Variants in PHACTR3 observed in about 807,000 individuals in gnomAD.
PHACTR3 encodes the protein phosphatase and actin regulator 3, also known as protein phosphatase 1, regulatory subunit 123.
PHACTR3 carries 16 observed loss-of-function variants against 66.8 expected under a neutral mutation model. The ratio of observed to expected loss-of-function variants is 0.24; its 90% confidence interval spans 0.16 to 0.36. The LOEUF is 0.36. Ranked by LOEUF, PHACTR3 falls within the 10% of genes least tolerant of loss-of-function variation. PHACTR3 has a pLI of 1.00. For synonymous variants in PHACTR3, 323 were observed against 292.1 expected (o/e 1.11, Z -1.08); for missense variants, 647 against 719.9 (o/e 0.90, Z 1.16).
chr20:59,603,860 GGAAGCAGCGGC>G (rs1219492186), upstream of PHACTR3: 4 of 153,122 alleles, frequency 2.6e-5, no homozygotes, highest in African/African-American at 9.7e-5. Context: ...CCCTGGCTGG[GGAAGCAGCGGC>G]TGCCTGCCTG....
chr20:59,837,195 A>T (rs1382441451), intron 9 of PHACTR3, among the ~76,000 whole-genome samples: 1 of 152,234 alleles, frequency 6.6e-6, no homozygotes. Flanking sequence ...CCTCTTGAAA[A>T]AGTGTTTCTC....
At chr20:59,734,152 C>T (rs2038863134) in intron 1 of PHACTR3, among the ~76,000 whole-genome samples, 1 of 152,162 alleles carries the variant, frequency 6.6e-6, no homozygotes, top group African/African-American at 2.4e-5. Context: ...GTTCCATAGA[C>T]CATAAGCTCC....
chr20:59,841,277 C>CAAG (rs2059055934), intron 10 of PHACTR3, 118 bp from the exon 11 acceptor site: 3 of 1,011,532 alleles, frequency 3.0e-6, no homozygotes, highest in Middle Eastern at 3.3e-4. Context: ...GTTATATTTT[C>CAAG]CAGTTTCAGG....
At chr20:59,634,069 T>G (rs2034764303) in intron 1 of PHACTR3, among the ~76,000 whole-genome samples, 1 of 152,232 alleles carries the variant, frequency 6.6e-6, no homozygotes, top group African/African-American at 2.4e-5. Context: ...CCGTCACTGT[T>G]CAGCGCCCAG....
chr20:59,831,107 C>T (rs917899042), intron 8 of PHACTR3, among the ~76,000 whole-genome samples: 1 of 152,188 alleles, frequency 6.6e-6, no homozygotes, highest in Admixed American at 6.5e-5. Context: ...TGCTACAGAT[C>T]TGTCGTGTGA....
intron 1 of PHACTR3, among the ~76,000 whole-genome samples, chr20:59,724,881 T>C (rs1464686060): frequency 6.6e-6 from 1 of 152,156 alleles, no homozygotes; most frequent in Non-Finnish European, 1.5e-5. Flanking sequence ...AGGTGTGCTG[T>C]GTGCTCAGTG....
chr20:59,734,131 A>G lies in PHACTR3; in HGVS notation c.119-8976A>G, dbSNP rs193153134. Reference sequence around the variant, plus strand: ...CCCACACGCCTTCCTAAGCTCACCTATGTCAACTCTGTTCCATAGACCATA... The same window carrying G: ...CCCACACGCCTTCCTAAGCTCACCTGTGTCAACTCTGTTCCATAGACCATA... On this transcript the variant is annotated intron_variant, in intron 1 of 12. Transcript: ENST00000371015. Among the ~76,000 whole-genome samples the G allele has an allele frequency of 2.3e-4, 35 of 152,210 alleles. No homozygotes were observed. The East Asian group carries it at 6.4e-3, about 28-fold the overall frequency.
chr20:59,794,605 G>C (rs1449861362), intron 7 of PHACTR3, among the ~76,000 whole-genome samples: 1 of 152,096 alleles, frequency 6.6e-6, no homozygotes, highest in South Asian at 2.1e-4. Context: ...GAATAGTTTA[G>C]GAAGAACTGA....
chr20:59,830,226 A>G lies in PHACTR3; in HGVS notation c.1329-6279A>G, dbSNP rs957216781. On this transcript the variant is annotated intron_variant, in intron 8 of 12. Transcript: ENST00000371015. The surrounding 1 kb of genome is among the most constrained non-coding windows in gnomAD (Gnocchi z 5.8). The stretch of plus-strand genomic sequence containing the variant: ...TGAGTGTCTGATAGAAGAGGGCGTG[A>G]GTGTCTGATGGAAGAGGGTATGAGT... Among the ~76,000 whole-genome samples, 1 of 151,948 alleles carries G rather than the reference A, an allele frequency of 6.6e-6. No individual in the cohort carries two copies. Among genetic ancestry groups the G allele is most frequent in the Non-Finnish European group, 1.5e-5 (1 of 68,002 alleles).
intron 1 of PHACTR3, among the ~76,000 whole-genome samples, chr20:59,713,181 A>G (rs2037966943): frequency 6.6e-6 from 1 of 152,240 alleles, no homozygotes; most frequent in Admixed American, 6.5e-5. Context: ...GTTTACATTC[A>G]TGAGGGTCCA....
Position 59,773,358 on chromosome 20 carries a change from G to A in PHACTR3, c.831G>A (p.Gly277=), listed in dbSNP as rs1352652810. 6.2e-7 allele frequency: 1 copy of A among 1,614,042 alleles called. No homozygotes were observed. Among genetic ancestry groups the A allele is most frequent in the African/African-American group, 1.3e-5 (1 of 74,930 alleles). ...SLRGQLSTPT[G]SPHLTTVHRP... is the part of the protein sequence containing the mutation. Reference sequence around the variant, plus strand: ...GGGGCCAGCTCTCCACACCCACGGGGTCTCCGCATCTCACCACGGTCCACC... The same window carrying A: ...GGGGCCAGCTCTCCACACCCACGGGATCTCCGCATCTCACCACGGTCCACC... The change falls in exon 6 of 13, where the codon GGG becomes GGA. Residue 277 remains glycine, a synonymous_variant. Coordinates refer to ENST00000371015, the MANE Select transcript of PHACTR3 (RefSeq NM_080672.5).
chr20:59,844,976 A>AC, intron 11 of PHACTR3: 1 of 404,926 alleles, frequency 2.5e-6, no homozygotes, highest in Non-Finnish European at 4.6e-6. Flanking sequence ...AAATTTTTAC[A>AC]AAGACTTCCA....
chr20:59,730,387 A>G (rs930501723), intron 1 of PHACTR3, among the ~76,000 whole-genome samples: 1 of 152,206 alleles, frequency 6.6e-6, no homozygotes, highest in Admixed American at 6.5e-5. Flanking sequence ...CCATGGTGGT[A>G]GAGAAGCTTA....
At chr20:59,744,225 T>C (rs2039280819) in intron 2 of PHACTR3, among the ~76,000 whole-genome samples, 1 of 152,124 alleles carries the variant, frequency 6.6e-6, no homozygotes, top group African/African-American at 2.4e-5. Flanking sequence ...GAAAGGGAAA[T>C]CACTCACCCA....
At chr20:59,668,852 C>T (rs2036090515) in intron 1 of PHACTR3, among the ~76,000 whole-genome samples, 1 of 140,474 alleles carries the variant, frequency 7.1e-6, no homozygotes, top group Non-Finnish European at 1.5e-5. Context: ...AGGTGCCCGT[C>T]ACCACACACA....
chr20:59,724,251 A>G (rs1200824299), intron 1 of PHACTR3, among the ~76,000 whole-genome samples: 1 of 152,126 alleles, frequency 6.6e-6, no homozygotes, highest in Non-Finnish European at 1.5e-5. Flanking sequence ...CATTTACTTA[A>G]TGCATGAAGG....
upstream of PHACTR3, among the ~76,000 whole-genome samples, chr20:59,600,780 C>T (rs1465777651): frequency 9.2e-5 from 14 of 152,080 alleles, no homozygotes; most frequent in Non-Finnish European, 1.5e-5. Context: ...TTTGGGTTTT[C>T]GGATCAAGGA....
intron 8 of PHACTR3, chr20:59,835,938 T>C (rs2042512988): frequency 6.6e-6 from 1 of 152,236 alleles, no homozygotes; most frequent in African/African-American, 2.4e-5. Flanking sequence ...TAGACGTCTT[T>C]AGACACTCCC....
At chr20:59,751,585 G>A (rs2039585090) in intron 3 of PHACTR3, among the ~76,000 whole-genome samples, 1 of 152,192 alleles carries the variant, frequency 6.6e-6, no homozygotes, top group Non-Finnish European at 1.5e-5. Flanking sequence ...GAGCCCGCCA[G>A]CTCCCGGGGG....
Sources: allele counts gnomAD v4.1 joint callset (sites outside exome capture counted in the v4.1 genomes callset), GRCh38; gene constraint gnomAD v4.1.1; non-coding constraint Gnocchi (gnomAD v3.1); transcripts MANE v1.5; gene names NCBI Gene and HGNC (gene_info 2026-07-23, HGNC 2026-07-21).